The following PCP4 variants were observed in gnomAD, a reference collection of about 807,000 sequenced individuals.
The protein encoded by PCP4 is Purkinje cell protein 4.
Under a neutral mutation model 10.0 loss-of-function variants are expected in PCP4, and 8 were observed. The ratio of observed to expected loss-of-function variants is 0.80; its 90% CI spans 0.47 to 1.45. PCP4 has a LOEUF of 1.45. PCP4 is among the 40% of genes most tolerant of loss of function. The pLI is 0.00. For synonymous variants in PCP4, 21 were observed against 23.0 expected, an observed-to-expected ratio of 0.91 and a Z score of 0.24; for missense variants, 54 against 74.4, an observed-to-expected ratio of 0.73 and a Z score of 1.01.
intron 1 of PCP4, among the ~76,000 whole-genome samples, chr21:39,870,417 T>G (rs2087314116): frequency 6.6e-6 from 1 of 152,198 alleles, no homozygotes; most frequent in Admixed American, 6.5e-5. Flanking sequence ...GGGATCAGAA[T>G]GCAGGCTTAA....
At chr21:39,876,573 G>A (rs1291365431) in intron 1 of PCP4, among the ~76,000 whole-genome samples, 1 of 152,192 alleles carries the variant, frequency 6.6e-6, no homozygotes, top group African/African-American at 2.4e-5. Flanking sequence ...TATTCTGAGA[G>A]CAAGTCAACA....
chr21:39,870,838 G>A (rs979877124), intron 1 of PCP4, among the ~76,000 whole-genome samples: 1 of 152,190 alleles, frequency 6.6e-6, no homozygotes, highest in Non-Finnish European at 1.5e-5. Flanking sequence ...CACGGTCATG[G>A]GCTGGGCTTT....
At chr21:39,877,360 G>C (rs2087351151) in intron 1 of PCP4, among the ~76,000 whole-genome samples, 1 of 151,996 alleles carries the variant, frequency 6.6e-6, no homozygotes, top group South Asian at 2.1e-4. Flanking sequence ...GAGAAGCTGA[G>C]AAATGTTAAT....
intron 2 of PCP4, among the ~76,000 whole-genome samples, chr21:39,911,206 C>T (rs1026103433): frequency 5.9e-5 from 9 of 151,812 alleles, no homozygotes; most frequent in Admixed American, 1.3e-4. Context: ...GGATTGTCAC[C>T]GGCTGTGAAC....
At chr21:39,928,194 G>A (rs958234754) in intron 2 of PCP4, among the ~76,000 whole-genome samples, 3 of 152,090 alleles carry the variant, frequency 2.0e-5, no homozygotes. Flanking sequence ...AACACGCCGG[G>A]TCTCATCAGA....
intron 1 of PCP4, among the ~76,000 whole-genome samples, chr21:39,897,556 G>A (rs1362561653): frequency 6.6e-6 from 1 of 152,234 alleles, no homozygotes; most frequent in African/African-American, 2.4e-5. Context: ...CATGTGTGGT[G>A]CATTTCACGC....
At chr21:39,921,904 A>T (rs2087598325) in intron 2 of PCP4, among the ~76,000 whole-genome samples, 1 of 152,232 alleles carries the variant, frequency 6.6e-6, no homozygotes, top group South Asian at 2.1e-4. Flanking sequence ...TATGGGACTG[A>T]TGTGAGAACC....
At chr21:39,927,808 G>A (rs1361463083) in intron 2 of PCP4, among the ~76,000 whole-genome samples, 1 of 152,152 alleles carries the variant, frequency 6.6e-6, no homozygotes, top group African/African-American at 2.4e-5. Context: ...CCACACCTGA[G>A]AGTCTTTTTA....
At position 39,929,278 on chromosome 21, in the gene PCP4, G is replaced by A. The variant is rs1323966794; in HGVS notation, c.*167G>A. ...ACCTGTGATATTTATACCCTTGTAG[G>A]AAGGTATAGACAATGGAATTGTGAG... is the stretch of plus-strand genomic sequence containing the variant. On this transcript the variant is annotated 3_prime_UTR_variant, in exon 3 of 3. Coordinates refer to ENST00000328619, the MANE Select transcript of PCP4 (RefSeq NM_006198.3). 1.1e-5 allele frequency: 6 copies of A among 560,004 alleles called. No individual in the cohort carries two copies. The highest frequency in any genetic ancestry group is 1.8e-5 in the Non-Finnish European group (6 of 325,202). The allele number at this position is 560,004 out of a possible 1,614,324, so 34.7% of individuals were successfully genotyped here. A position where few individuals can be genotyped will look rare whatever the true frequency, so the allele number is the denominator to read the frequency against.
At chr21:39,890,890 T>C (rs1276907586) in intron 1 of PCP4, among the ~76,000 whole-genome samples, 2 of 150,902 alleles carry the variant, frequency 1.3e-5, no homozygotes, top group African/African-American at 2.4e-5. Flanking sequence ...TGAGAAGTAA[T>C]TGAGTTTTTT....
chr21:39,920,175 G>A (rs1316858258), intron 2 of PCP4, among the ~76,000 whole-genome samples: 1 of 148,808 alleles, frequency 6.7e-6, no homozygotes, highest in Non-Finnish European at 1.5e-5. Flanking sequence ...TGTGTGATGT[G>A]TGTGGTGTGT....
intron 1 of PCP4, among the ~76,000 whole-genome samples, chr21:39,887,382 A>G (rs1157296410): frequency 2.7e-5 from 4 of 147,906 alleles, no homozygotes; most frequent in African/African-American, 7.5e-5. Flanking sequence ...AAAACCTTCT[A>G]GCTGAAGTTT....
chr21:39,926,178 G>A (rs577801396), intron 2 of PCP4: 30 of 385,660 alleles, frequency 7.8e-5, no homozygotes, highest in Non-Finnish European at 1.5e-4. Context: ...CAGAAAAGTA[G>A]CGATTCCTTA....
At chr21:39,870,291 G>A (rs184256548) in intron 1 of PCP4, among the ~76,000 whole-genome samples, 1 of 152,326 alleles carries the variant, frequency 6.6e-6, no homozygotes, top group East Asian at 1.9e-4. Flanking sequence ...TCCAAATTTA[G>A]GGTAATGTGA....
chr21:39,870,863 G>A (rs779601148), intron 1 of PCP4, among the ~76,000 whole-genome samples: 8 of 152,292 alleles, frequency 5.3e-5, no homozygotes, highest in East Asian at 1.9e-4. Flanking sequence ...TTGCTTTGGC[G>A]TGGATGGGAA....
At chr21:39,900,227 A>T (rs62235459) in intron 2 of PCP4, among the ~76,000 whole-genome samples, 21,056 of 151,838 alleles carry the variant, frequency 0.14, 1,655 homozygotes, top group Middle Eastern at 0.23. Flanking sequence ...TAGAGACAGG[A>T]TTTCACCATG....
intron 1 of PCP4, among the ~76,000 whole-genome samples, chr21:39,870,899 G>T (rs1430595701): frequency 1.3e-5 from 2 of 152,210 alleles, no homozygotes; most frequent in Admixed American, 6.5e-5. Context: ...AAGGGCTGTG[G>T]CTCTTTCTTT....
chr21:39,888,776 C>A (rs1311528519), intron 1 of PCP4, among the ~76,000 whole-genome samples: 2 of 152,222 alleles, frequency 1.3e-5, no homozygotes, highest in East Asian at 3.9e-4. Context: ...CAGCCCAGGA[C>A]CTGGCTCAGC....
intron 1 of PCP4, among the ~76,000 whole-genome samples, chr21:39,890,816 C>A (rs1373704546): frequency 6.6e-6 from 1 of 152,078 alleles, no homozygotes; most frequent in Non-Finnish European, 1.5e-5. Context: ...TTGCCTTATC[C>A]AGTGGTGGCT....
Sources: gnomAD v4.1 joint callset for allele counts (sites outside exome capture counted in the v4.1 genomes callset) on GRCh38, gnomAD v4.1.1 for gene constraint, MANE v1.5 for transcripts, NCBI Gene and HGNC (gene_info 2026-07-23, HGNC 2026-07-21) for gene names.